Variants in DSG3 observed in about 807,000 individuals in gnomAD.
DSG3 encodes the protein desmoglein-3.
Under a neutral mutation model 85.9 loss-of-function variants are expected in DSG3, and 63 were observed. The ratio of observed to expected loss-of-function variants is 0.73; its 90% CI spans 0.60 to 0.90. The LOEUF (loss-of-function observed/expected upper bound fraction) is 0.90, where lower values mean the gene tolerates loss of function less well. DSG3 is among the 40% of genes least tolerant of loss of function. The pLI, the probability that DSG3 is intolerant of heterozygous loss-of-function variation, is 0.00. For synonymous variants in DSG3, 447 were observed against 441.9 expected (o/e 1.01, Z -0.14); for missense variants, 1,220 against 1,219.9 (o/e 1.00, Z 0.00).
rs1598789262 is a variant in DSG3 at position 31,475,849 on chromosome 18, T to C, written c.2589T>C (p.Val863=). 1.9e-6 allele frequency: 3 copies of C among 1,614,214 alleles called. No homozygotes were observed. Among genetic ancestry groups the C allele is most frequent in the East Asian group, 2.2e-5 (1 of 44,870 alleles). ...FKKLAEISLG[V]DGEGKEVQPP... ...AACTTGCAGAGATAAGCCTTGGTGTTGATGGTGAAGGCAAAGAAGTTCAGC... is the reference window on the plus strand; with the variant it reads ...AACTTGCAGAGATAAGCCTTGGTGTCGATGGTGAAGGCAAAGAAGTTCAGC... The change falls in exon 16 of 16, where the codon GTT becomes GTC. Residue 863 remains valine, a synonymous_variant. Coordinates refer to ENST00000257189, the MANE Select transcript of DSG3 (RefSeq NM_001944.3).
At chr18:31,453,264 A>G (rs1369696884) in intron 1 of DSG3, among the ~76,000 whole-genome samples, 3 of 152,172 alleles carry the variant, frequency 2.0e-5, no homozygotes, top group African/African-American at 7.2e-5. Context: ...TTCATTCTAC[A>G]AATTTCCCCA....
At chr18:31,460,082 T>A in intron 6 of DSG3, 71 bp downstream of exon 6, 1 of 1,475,482 alleles carries the variant, frequency 6.8e-7, no homozygotes, top group Non-Finnish European at 9.1e-7. Context: ...GAGAGGTGAC[T>A]CCATTTTACC....
Position 31,458,492 on chromosome 18 carries a change from T to C in DSG3, c.264T>C (p.Ser88=). The C allele has an allele frequency of 6.2e-7, 1 of 1,613,932 alleles. No homozygotes were observed. Among genetic ancestry groups the C allele is most frequent in the Non-Finnish European group, 8.5e-7 (1 of 1,179,830 alleles). Residue 88 remains serine, a synonymous_variant, in exon 4 of 16, where the codon TCT becomes TCC. Coordinates refer to ENST00000257189, the MANE Select transcript of DSG3 (RefSeq NM_001944.3). ...CCCAGAAAATCACCTACCGAATCTCTGGAGTGGGAATCGATCAGCCGCCTT... is the reference window on the plus strand; with the variant it reads ...CCCAGAAAATCACCTACCGAATCTCCGGAGTGGGAATCGATCAGCCGCCTT... The part of the protein sequence containing the change: ...QATQKITYRI[S]GVGIDQPPFG...
At position 31,459,092 on chromosome 18, in the gene DSG3, G is replaced by A. The variant is rs199717956; in HGVS notation, c.432G>A (p.Thr144=). Residue 144 remains threonine (T), a synonymous_variant, in exon 5 of 16, where the codon ACG becomes ACA. Coordinates refer to ENST00000257189, the MANE Select transcript of DSG3 (RefSeq NM_001944.3). The part of the protein sequence containing the change: ...GLDVEKPLIL[T]VKILDINDNP... ...ATGTAGAGAAACCACTTATACTAAC[G>A]GTTAAAATTTTGGATATTAATGATA... 3.7e-5 allele frequency: 60 copies of A among 1,613,438 alleles called. No homozygotes were observed. Among genetic ancestry groups the A allele is most frequent in the South Asian group, 6.6e-5 (6 of 90,882 alleles).
At chr18:31,448,011 T>TTA in intron 1 of DSG3, 86 bp downstream of exon 1, 1 of 1,049,774 alleles carries the variant, frequency 9.5e-7, no homozygotes, top group Non-Finnish European at 1.3e-6. Context: ...ACAATCTTTA[T>TTA]TATAAATTCT....
In DSG3 at chr18:31,447,875, A is replaced by G. The variant is rs1198135065; in HGVS notation, c.-3A>G. ...GACTTTTTCACCAGGGAAATCAGAG[A>G]CAATGATGGGGCTCTTCCCCAGAAC... On this transcript the variant is annotated 5_prime_UTR_variant, in exon 1 of 16. Coordinates refer to ENST00000257189, the MANE Select transcript of DSG3 (RefSeq NM_001944.3). 2 of 1,590,632 alleles carry G rather than the reference A, an allele frequency of 1.3e-6. No individual in the cohort carries two copies. The highest frequency in any genetic ancestry group is 1.4e-5 in the African/African-American group (1 of 72,988).
rs147956650 is a variant in DSG3, at chr18:31,455,400, GA to G, written c.49-1030del. Among the ~76,000 whole-genome samples the G allele has an allele frequency of 2.9e-3, 429 of 145,594 alleles. 2 individuals are homozygous for G. Among genetic ancestry groups the G allele is most frequent in the African/African-American group, 0.01 (397 of 39,480 alleles). On this transcript the variant is annotated intron_variant, in intron 1 of 15. Transcript: ENST00000257189. ...TGTTAAGCACCTGTGAGGGTTACAAGAAAAAAAAAATAACCTAATAGCACTG... is the reference window on the plus strand; with the variant it reads ...TGTTAAGCACCTGTGAGGGTTACAAGAAAAAAAAATAACCTAATAGCACTG...
At chr18:31,458,362 G>T in intron 3 of DSG3, 83 bp from the exon 4 acceptor site, 1 of 1,387,400 alleles carries the variant, frequency 7.2e-7, no homozygotes, top group South Asian at 1.4e-5. Flanking sequence ...ATGAACAGAT[G>T]ACTTTAGACT....
chr18:31,469,017 G>C, intron 11 of DSG3, 72 bp from the exon 12 acceptor site: 2 of 1,573,298 alleles, frequency 1.3e-6, no homozygotes, highest in Non-Finnish European at 1.7e-6. Flanking sequence ...GTGATATTCT[G>C]TTATAGCAAC....
At chr18:31,462,788 C>T (rs987751375) in intron 8 of DSG3, among the ~76,000 whole-genome samples, 2 of 152,152 alleles carry the variant, frequency 1.3e-5, no homozygotes, top group African/African-American at 2.4e-5. Flanking sequence ...ATATCCCTAC[C>T]TCTTGTCTCC....
Position 31,475,995 on chromosome 18 carries a change from C to G in DSG3, c.2735C>G (p.Thr912Ser). 6.2e-7 allele frequency: 1 copy of G among 1,614,166 alleles called. No individual in the cohort carries two copies. The highest frequency in any genetic ancestry group is 8.5e-7 in the Non-Finnish European group (1 of 1,180,014). Residue 912 changes from threonine to serine, a missense_variant, in exon 16 of 16, where the codon ACC becomes AGC. Coordinates refer to ENST00000257189, the MANE Select transcript of DSG3 (RefSeq NM_001944.3). The part of the protein sequence containing the change: ...SGSQGASALS[T>S]SGSVQPAVSI... ...AGTCAAGGAGCTTCTGCTTTGTCCA[C>G]CTCTGGGTCTGTCCAGCCAGCTGTT...
chr18:31,470,803 A>G (rs2144241615), intron 12 of DSG3, among the ~76,000 whole-genome samples: 1 of 152,356 alleles, frequency 6.6e-6, no homozygotes, highest in East Asian at 1.9e-4. Flanking sequence ...GCATCAGCCA[A>G]GGCCAGAAAA....
At chr18:31,456,552 T>C (rs941085660) in intron 2 of DSG3, 77 bp downstream of exon 2, 7 of 757,760 alleles carry the variant, frequency 9.2e-6, no homozygotes, top group Middle Eastern at 7.5e-4. Context: ...TTAGTAGAAA[T>C]GAATATTTAA....
At chr18:31,467,752 C>T (rs536338235) in intron 11 of DSG3, among the ~76,000 whole-genome samples, 40 of 152,326 alleles carry the variant, frequency 2.6e-4, no homozygotes, top group African/African-American at 8.7e-4. Context: ...CTGAACCAGC[C>T]TTGCTTCCTT....
rs866331235 is a variant in DSG3, at chr18:31,460,328, G to A, written c.684+317G>A. Among the ~76,000 whole-genome samples the A allele has an allele frequency of 6.6e-5, 10 of 152,316 alleles. No homozygotes were observed. In the South Asian group the frequency reaches 1.7e-3, roughly 25 times the overall value. ...TAATTCCTCATGTGATGGAGGAGAA[G>A]CAAGTGTCTTAGATGAAGGGAGAAA... On this transcript the variant is annotated intron_variant, in intron 6 of 15. Coordinates refer to ENST00000257189, the MANE Select transcript of DSG3 (RefSeq NM_001944.3).
chr18:31,466,046 C>T (rs1228981097), intron 10 of DSG3, among the ~76,000 whole-genome samples: 1 of 151,998 alleles, frequency 6.6e-6, no homozygotes, highest in African/African-American at 2.4e-5. Flanking sequence ...ATAATGCCCC[C>T]ACAGAGAGAT....
chr18:31,456,962 C>G (rs1487379863), intron 2 of DSG3, 31 bp from the exon 3 acceptor site: 1 of 1,577,646 alleles, frequency 6.3e-7, no homozygotes, highest in South Asian at 1.2e-5. Context: ...CCATTAATTT[C>G]CATAACAAAT....
chr18:31,461,258 G>A lies in DSG3; in HGVS notation c.845G>A (p.Ser282Asn). Reference sequence around the variant, plus strand: ...GCACGTATTGAAGAAAATATTTTAAGTTCTGAATTACTTCGATTTCAAGTA... The same window carrying A: ...GCACGTATTGAAGAAAATATTTTAAATTCTGAATTACTTCGATTTCAAGTA... ...YSARIEENILSSELLRFQVTD... is the reference protein window; with the variant it reads ...YSARIEENILNSELLRFQVTD... The change falls in exon 8 of 16, where the codon AGT becomes AAT. Residue 282 changes from serine to asparagine, a missense_variant. Physicochemically the swap from Ser to Asn is conservative, Grantham distance 46. Transcript: ENST00000257189. 1 of 1,613,384 alleles carries A rather than the reference G, an allele frequency of 6.2e-7. No individual in the cohort carries two copies. The highest frequency in any genetic ancestry group is 1.7e-5 in the Admixed American group (1 of 59,908).
At chr18:31,452,475 C>T (rs757457239) in intron 1 of DSG3, among the ~76,000 whole-genome samples, 8 of 135,208 alleles carry the variant, frequency 5.9e-5, no homozygotes, top group Non-Finnish European at 1.1e-4. Flanking sequence ...GCCGAGATGG[C>T]GCTACTGCAC....
Sources: gnomAD v4.1 joint callset for allele counts (sites outside exome capture counted in the v4.1 genomes callset) on GRCh38, gnomAD v4.1.1 for gene constraint, MANE v1.5 for transcripts, NCBI Gene and HGNC (gene_info 2026-07-23, HGNC 2026-07-21) for gene names.